The following CNTNAP2 variants were observed in gnomAD, a reference collection of about 807,000 sequenced individuals.
The protein encoded by CNTNAP2 is contactin-associated protein-like 2.
CNTNAP2 carries 98 observed loss-of-function variants against 155.2 expected under a neutral mutation model. The ratio of observed to expected loss-of-function variants is 0.63; its 90% confidence interval spans 0.54 to 0.75. The LOEUF (loss-of-function observed/expected upper bound fraction) is 0.75, where lower values mean the gene tolerates loss of function less well. Ranked by LOEUF, CNTNAP2 falls within the 30% of genes least tolerant of loss-of-function variation. The pLI, the probability that CNTNAP2 is intolerant of heterozygous loss-of-function variation, is 0.00. For missense variants in CNTNAP2, 1,727 were observed against 1,688.1 expected (o/e 1.02, Z -0.40); for synonymous variants, 651 against 631.2 (o/e 1.03, Z -0.47).
At chr7:148,370,012 T>A (rs1402574427) in intron 21 of CNTNAP2, among the ~76,000 whole-genome samples, 1 of 152,184 alleles carries the variant, frequency 6.6e-6, no homozygotes. Context: ...ATGTAAAGAT[T>A]TGCTAGGCTG....
chr7:147,061,479 A>G (rs1307429705), intron 4 of CNTNAP2, among the ~76,000 whole-genome samples: 1 of 144,886 alleles, frequency 6.9e-6, no homozygotes, highest in Non-Finnish European at 1.5e-5. Flanking sequence ...CGAAAGGCTT[A>G]CTCTAAGTCA....
intron 10 of CNTNAP2, among the ~76,000 whole-genome samples, chr7:147,441,190 G>A (rs1230344867): frequency 6.6e-6 from 1 of 151,916 alleles, no homozygotes; most frequent in East Asian, 2.0e-4. Flanking sequence ...TTTTCAAACA[G>A]CCTGTTTTTA....
chr7:147,197,307 G>A (rs1407972312), intron 8 of CNTNAP2, among the ~76,000 whole-genome samples: 7 of 152,030 alleles, frequency 4.6e-5, no homozygotes, highest in Admixed American at 4.6e-4. Flanking sequence ...CTGTAAACTG[G>A]CCCTTGAGTC....
intron 3 of CNTNAP2, among the ~76,000 whole-genome samples, chr7:146,911,101 A>G (rs1193459980): frequency 6.6e-6 from 1 of 152,110 alleles, no homozygotes; most frequent in East Asian, 1.9e-4. Flanking sequence ...CAAAACCACT[A>G]TGAGATATCA....
At chr7:147,984,439 T>A (rs573931460) in intron 15 of CNTNAP2, among the ~76,000 whole-genome samples, 1 of 152,278 alleles carries the variant, frequency 6.6e-6, no homozygotes, top group South Asian at 2.1e-4. Context: ...ACAATGTTAT[T>A]AGGTGCTTTG....
At chr7:147,032,503 G>A (rs1563051232) in intron 3 of CNTNAP2, among the ~76,000 whole-genome samples, 1 of 152,150 alleles carries the variant, frequency 6.6e-6, no homozygotes, top group Non-Finnish European at 1.5e-5. Flanking sequence ...AGAATCAGAT[G>A]TTGATGACAA....
chr7:147,744,345 C>T (rs112623481), intron 13 of CNTNAP2, among the ~76,000 whole-genome samples: 1 of 152,110 alleles, frequency 6.6e-6, no homozygotes, highest in Non-Finnish European at 1.5e-5. Context: ...TAAATATCAA[C>T]TTTTCAATTG....
intron 9 of CNTNAP2, among the ~76,000 whole-genome samples, chr7:147,358,993 C>G (rs1477171210): frequency 6.6e-6 from 1 of 152,150 alleles, no homozygotes; most frequent in East Asian, 1.9e-4. Flanking sequence ...TTAGGCACAT[C>G]TAGCTCAAAG....
At chr7:146,295,542 T>G (rs1800500401) in intron 1 of CNTNAP2, among the ~76,000 whole-genome samples, 1 of 152,164 alleles carries the variant, frequency 6.6e-6, no homozygotes. Flanking sequence ...CTAAAATATG[T>G]GATAATCTAA....
chr7:146,710,994 A>C (rs1801057047), intron 1 of CNTNAP2, among the ~76,000 whole-genome samples: 1 of 151,782 alleles, frequency 6.6e-6, no homozygotes, highest in African/African-American at 2.4e-5. Flanking sequence ...TTGCTTACTA[A>C]TCCTTCACTT....
chr7:147,446,924 G>A (rs1181992066), intron 10 of CNTNAP2, among the ~76,000 whole-genome samples: 2 of 152,158 alleles, frequency 1.3e-5, no homozygotes, highest in Non-Finnish European at 2.9e-5. Context: ...GAGAGGACTA[G>A]GATGGTTTAT....
intron 1 of CNTNAP2, among the ~76,000 whole-genome samples, chr7:146,703,540 G>A (rs1800913009): frequency 6.6e-6 from 1 of 152,060 alleles, no homozygotes; most frequent in South Asian, 2.1e-4. Context: ...AAACTGGGTG[G>A]CTTATAAACA....
chr7:147,591,105 T>A (rs1350809739), intron 12 of CNTNAP2, among the ~76,000 whole-genome samples: 1 of 152,220 alleles, frequency 6.6e-6, no homozygotes. Flanking sequence ...CCTTCAAATT[T>A]TCCTGCATCT....
At chr7:146,812,732 G>A (rs943019182) in intron 2 of CNTNAP2, among the ~76,000 whole-genome samples, 1 of 152,068 alleles carries the variant, frequency 6.6e-6, no homozygotes, top group Non-Finnish European at 1.5e-5. Context: ...TAAGACAATG[G>A]GGAAAATATA....
chr7:147,203,885 G>A (rs1410318870), intron 8 of CNTNAP2, among the ~76,000 whole-genome samples: 1 of 152,002 alleles, frequency 6.6e-6, no homozygotes. Flanking sequence ...GATTATAATA[G>A]CAAAATGTAA....
chr7:146,610,287 G>C (rs564213697), intron 1 of CNTNAP2, among the ~76,000 whole-genome samples: 1 of 152,152 alleles, frequency 6.6e-6, no homozygotes, highest in Non-Finnish European at 1.5e-5. Flanking sequence ...GATAGGAAAG[G>C]CTTGAAACAT....
intron 21 of CNTNAP2, among the ~76,000 whole-genome samples, chr7:148,357,617 A>T (rs1249035884): frequency 6.6e-6 from 1 of 152,172 alleles, no homozygotes; most frequent in Non-Finnish European, 1.5e-5. Context: ...ACTGTGCATC[A>T]TAGCCTTCTG....
chr7:146,942,259 A>G (rs1411563298), intron 3 of CNTNAP2, among the ~76,000 whole-genome samples: 1 of 152,148 alleles, frequency 6.6e-6, no homozygotes, highest in Admixed American at 6.5e-5. Flanking sequence ...ACTATCAGTG[A>G]AACAGTGGGT....
At chr7:146,157,846 C>T (rs1798152193) in intron 1 of CNTNAP2, among the ~76,000 whole-genome samples, 1 of 152,192 alleles carries the variant, frequency 6.6e-6, no homozygotes, top group Non-Finnish European at 1.5e-5. Flanking sequence ...GAAACTTCTG[C>T]AGACTTAAAC....
Sources: gnomAD v4.1 joint callset for allele counts (sites outside exome capture counted in the v4.1 genomes callset) on GRCh38, gnomAD v4.1.1 for gene constraint, MANE v1.5 for transcripts, NCBI Gene and HGNC (gene_info 2026-07-23, HGNC 2026-07-21) for gene names.